DIP2C: variants seen among roughly 807,000 people sequenced by gnomAD.
The protein encoded by DIP2C is disco-interacting protein 2 homolog C.
DIP2C carries 33 observed loss-of-function variants against 192.4 expected under a neutral mutation model. That is an observed-to-expected ratio of 0.17 (90% CI 0.13 to 0.23). The LOEUF (loss-of-function observed/expected upper bound fraction) is 0.23, where lower values mean the gene tolerates loss of function less well. Among genes scored for constraint, DIP2C ranks in the 10% least tolerant of loss-of-function variants. The probability of loss-of-function intolerance (pLI) is 1.00; values close to 1 mark genes in which losing one functional copy is unlikely to be tolerated. For missense variants in DIP2C, 1,537 were observed against 2,110.1 expected (o/e 0.73, Z 5.32); for synonymous variants, 979 against 864.1 (o/e 1.13, Z -2.33).
At chr10:405,327 TTAA>T (rs1964724497) in intron 9 of DIP2C, among the ~76,000 whole-genome samples, 1 of 152,196 alleles carries the variant, frequency 6.6e-6, no homozygotes, top group African/African-American at 2.4e-5. Flanking sequence ...ATCACTAGAG[TTAA>T]TGCTGAAAAT....
intron 1 of DIP2C, among the ~76,000 whole-genome samples, chr10:671,517 A>T (rs1830639106): frequency 8.1e-6 from 1 of 123,606 alleles, no homozygotes; most frequent in African/African-American, 3.2e-5. Flanking sequence ...CAGGCCACAG[A>T]CGCACGGACG....
intron 1 of DIP2C, among the ~76,000 whole-genome samples, chr10:591,839 C>G (rs984289193): frequency 6.6e-6 from 1 of 152,090 alleles, no homozygotes; most frequent in African/African-American, 2.4e-5. Context: ...GACCTCTCCT[C>G]AGACGTCCCA....
chr10:507,709 T>C (rs145245028), intron 1 of DIP2C, among the ~76,000 whole-genome samples: 6 of 152,298 alleles, frequency 3.9e-5, no homozygotes, highest in Non-Finnish European at 7.4e-5. Flanking sequence ...GGTGAGTTTG[T>C]TCCCGCACAT....
chr10:486,590 A>G, intron 1 of DIP2C, 60 bp from the exon 2 acceptor site: 1 of 1,419,688 alleles, frequency 7.0e-7, no homozygotes, highest in Non-Finnish European at 9.5e-7. Flanking sequence ...TTATCATTCA[A>G]CGGTGCCCAA....
At chr10:374,551 G>A (rs1188914712) in intron 17 of DIP2C, among the ~76,000 whole-genome samples, 1 of 152,244 alleles carries the variant, frequency 6.6e-6, no homozygotes, top group Non-Finnish European at 1.5e-5. Flanking sequence ...AGTGGAGCCA[G>A]CGCCAATCTC....
chr10:485,087 G>A (rs1843913170), intron 2 of DIP2C: 3 of 1,163,552 alleles, frequency 2.6e-6, no homozygotes, highest in African/African-American at 3.1e-5. Context: ...ACCGCCCTCT[G>A]CGCCCGGCTA....
chr10:550,707 C>T (rs1848538753), intron 1 of DIP2C, among the ~76,000 whole-genome samples: 1 of 152,148 alleles, frequency 6.6e-6, no homozygotes, highest in South Asian at 2.1e-4. Context: ...AAAATGAATC[C>T]CTAGCCCCTC....
intron 1 of DIP2C, among the ~76,000 whole-genome samples, chr10:563,325 G>A (rs1025780438): frequency 1.9e-4 from 29 of 152,200 alleles, no homozygotes; most frequent in African/African-American, 5.1e-4. Flanking sequence ...TGTTCCTTCC[G>A]TAATGGTGGT....
intron 1 of DIP2C, among the ~76,000 whole-genome samples, chr10:679,623 T>C (rs1251089237): frequency 0.012 from 681 of 57,946 alleles, no homozygotes; most frequent in African/African-American, 0.048. Context: ...CTGTGCTCCC[T>C]ATGCCCATGC....
intron 1 of DIP2C, among the ~76,000 whole-genome samples, chr10:515,986 T>G (rs1846325572): frequency 6.6e-6 from 1 of 151,886 alleles, no homozygotes; most frequent in South Asian, 2.1e-4. Context: ...AGAATATGTC[T>G]GTGCTCAAAC....
At chr10:483,007 C>G (rs367841630) in intron 2 of DIP2C, among the ~76,000 whole-genome samples, 4 of 152,178 alleles carry the variant, frequency 2.6e-5, no homozygotes, top group South Asian at 2.1e-4. Context: ...TCCGGACAGT[C>G]TTTTCCTCAA....
chr10:555,202 T>TC (rs869272439), intron 1 of DIP2C, among the ~76,000 whole-genome samples: 1 of 89,160 alleles, frequency 1.1e-5, no homozygotes, highest in Non-Finnish European at 2.0e-5. Context: ...TTTTTTTTTT[T>TC]CCCAAGCCAT....
rs536772641 is a variant in DIP2C, at chr10:384,761, A to G, written c.1663-122T>C. On this transcript the variant is annotated intron_variant, in intron 14 of 36. Transcript: ENST00000280886. ...GGGGAGCTCTCAGGGAGCGCTGCAG[A>G]CACCATGCACACAGGCCCCTGGAGG... 143 of 895,126 alleles carry G rather than the reference A, an allele frequency of 1.6e-4. No individual in the cohort carries two copies. The African/African-American group carries it at 2.2e-3, about 14-fold the overall frequency. The allele number at this position is 895,126 out of a possible 1,614,324, so 55.4% of individuals were successfully genotyped here.
At chr10:439,381 A>ATTTGCTAGCACGGCATTCACTCC (rs1967541221) in intron 4 of DIP2C, among the ~76,000 whole-genome samples, 1 of 152,218 alleles carries the variant, frequency 6.6e-6, no homozygotes, top group African/African-American at 2.4e-5. Context: ...GCCCGCTGGC[A>ATTTGCTAGCACGGCATTCACTCC]CTGTGTTCTT....
intron 17 of DIP2C, among the ~76,000 whole-genome samples, chr10:378,227 T>A (rs867114836): frequency 6.6e-6 from 1 of 152,004 alleles, no homozygotes; most frequent in African/African-American, 2.4e-5. Context: ...GAGAAAAAAA[T>A]ACTTTAAATG....
At chr10:414,724 T>TGA (rs1965437232) in intron 7 of DIP2C, among the ~76,000 whole-genome samples, 1 of 78,302 alleles carries the variant, frequency 1.3e-5, no homozygotes, top group Non-Finnish European at 2.4e-5. Flanking sequence ...TGTGTGTGTG[T>TGA]GTGTGTGTGT....
intron 36 of DIP2C, among the ~76,000 whole-genome samples, chr10:280,567 C>A (rs962590044): frequency 3.9e-5 from 6 of 152,216 alleles, no homozygotes; most frequent in Admixed American, 3.3e-4. Flanking sequence ...CTCAGAAGAA[C>A]CTACTGCTGA....
chr10:316,999 C>A (rs952485951), intron 31 of DIP2C, among the ~76,000 whole-genome samples: 2 of 152,150 alleles, frequency 1.3e-5, no homozygotes, highest in African/African-American at 2.4e-5. Context: ...GTGTATTAAC[C>A]AGATTGTTCC....
chr10:465,098 A>T (rs1589854795), intron 3 of DIP2C, among the ~76,000 whole-genome samples: 1 of 127,160 alleles, frequency 7.9e-6, no homozygotes, highest in African/African-American at 3.0e-5. Flanking sequence ...AGAGAATTTT[A>T]GACCAATATC....
Sources: allele counts gnomAD v4.1 joint callset (sites outside exome capture counted in the v4.1 genomes callset), GRCh38; gene constraint gnomAD v4.1.1; transcripts MANE v1.5; gene names NCBI Gene and HGNC (gene_info 2026-07-23, HGNC 2026-07-21).